Variants in CCNE2 observed in about 807,000 individuals in gnomAD.
CCNE2 encodes cyclin E2, also known as G1/S-specific cyclin-E2.
A neutral mutation model predicts 56.8 loss-of-function variants in CCNE2; 18 were observed. That is an observed-to-expected ratio of 0.32 (90% CI 0.22 to 0.47). The LOEUF (loss-of-function observed/expected upper bound fraction) is 0.47, where lower values mean the gene tolerates loss of function less well. Ranked by LOEUF, CCNE2 falls within the 20% of genes least tolerant of loss-of-function variation. CCNE2 has a pLI of 1.00. For missense variants in CCNE2, 371 were observed against 467.1 expected (o/e 0.79, Z 1.90); for synonymous variants, 139 against 149.2 (o/e 0.93, Z 0.50).
chr8:94,896,263 G>A (rs1465116555), upstream of CCNE2, among the ~76,000 whole-genome samples: 2 of 147,936 alleles, frequency 1.4e-5, no homozygotes, highest in South Asian at 2.1e-4. Context: ...CGCCTGCCGC[G>A]CCCCGCCCCG....
Position 94,881,043 on chromosome 8 carries a change from A to G in CCNE2, c.*589T>C, listed in dbSNP as rs1816789859. 2 of 398,554 alleles carry G rather than the reference A, an allele frequency of 5.0e-6. No individual in the cohort carries two copies. Among genetic ancestry groups the G allele is most frequent in the Admixed American group, 8.8e-5 (2 of 22,734 alleles). 24.7% of individuals were successfully genotyped at this position (398,554 alleles called of 1,614,324 possible). Reference sequence around the variant, plus strand: ...TGTGTTATGGCAAGGCAAATAAACTAGTTTAAAAAACATTAAATTTCACCA... The same window carrying G: ...TGTGTTATGGCAAGGCAAATAAACTGGTTTAAAAAACATTAAATTTCACCA... On this transcript the variant is annotated 3_prime_UTR_variant, in exon 12 of 12. Coordinates refer to ENST00000308108, the MANE Select transcript of CCNE2 (RefSeq NM_057749.3).
intron 1 of CCNE2, 101 bp from the exon 2 acceptor site, chr8:94,894,348 G>T (rs1817375102): frequency 1.7e-6 from 2 of 1,167,450 alleles, no homozygotes; most frequent in South Asian, 1.3e-5. Context: ...CAGTCCCTCC[G>T]AAGGGGGCCT....
At chr8:94,890,283 A>G (rs1817182286) in intron 6 of CCNE2, 132 bp downstream of exon 6, 3 of 686,820 alleles carry the variant, frequency 4.4e-6, no homozygotes, top group Admixed American at 6.0e-5. Flanking sequence ...AATCAACTAC[A>G]GTAAGTACCT....
Position 94,895,179 on chromosome 8 carries a change from C to T in CCNE2, c.-29G>A, listed in dbSNP as rs1227869392. 6.1e-6 allele frequency: 6 copies of T among 986,002 alleles called. No homozygotes were observed. The highest frequency in any genetic ancestry group is 7.2e-6 in the Non-Finnish European group (6 of 830,414). The allele number at this position is 986,002 out of a possible 1,614,324, so 61.1% of individuals were successfully genotyped here. A position where few individuals can be genotyped will look rare whatever the true frequency, so the allele number is the denominator to read the frequency against. On this transcript the variant is annotated splice_region_variant and 5_prime_UTR_variant, in exon 1 of 12. Coordinates refer to ENST00000308108, the MANE Select transcript of CCNE2 (RefSeq NM_057749.3). ...CCCTACGCGCAGCAACTCCTCACCGCCAGACCAGCTACCGCTCGGCTCAGC... is the reference window on the plus strand; with the variant it reads ...CCCTACGCGCAGCAACTCCTCACCGTCAGACCAGCTACCGCTCGGCTCAGC...
At chr8:94,891,923 C>T (rs1257785816) in intron 5 of CCNE2, 10 of 1,259,736 alleles carry the variant, frequency 7.9e-6, no homozygotes, top group South Asian at 3.6e-5. Flanking sequence ...AAAGCACCTA[C>T]GATGTGCCAA....
intron 10 of CCNE2, 78 bp downstream of exon 10, chr8:94,882,703 C>A: frequency 1.1e-6 from 1 of 944,852 alleles, no homozygotes; most frequent in Non-Finnish European, 1.7e-6. Flanking sequence ...GCATGTTTAG[C>A]AGAATGTTAA....
rs374215874 is a variant in CCNE2 at position 94,887,968 on chromosome 8, G to A, written c.559C>T (p.Leu187Phe). ...ATGAATAATGAGGTAATTCCAATGAGTTGAAGCATATTTTTATTTATATCC... is the reference window on the plus strand; with the variant it reads ...ATGAATAATGAGGTAATTCCAATGAATTGAAGCATATTTTTATTTATATCC... ...QKDINKNMLQ[L>F]IGITSLFIAS... The change falls in exon 7 of 12, where the codon CTC (leucine) becomes TTC (phenylalanine). Residue 187 changes from leucine (L) to phenylalanine (F), a missense_variant. Coordinates refer to ENST00000308108, the MANE Select transcript of CCNE2 (RefSeq NM_057749.3). 5 of 1,598,150 alleles carry A rather than the reference G, an allele frequency of 3.1e-6. No homozygotes were observed. The highest frequency in any genetic ancestry group is 4.3e-6 in the Non-Finnish European group (5 of 1,173,138).
chr8:94,888,143 A>G lies in CCNE2; in HGVS notation c.454-70T>C, dbSNP rs1817101754. 3.6e-6 allele frequency: 4 copies of G among 1,111,766 alleles called. No homozygotes were observed. The Admixed American group carries it at 8.3e-5, about 23-fold the overall frequency. The allele number at this position is 1,111,766 out of a possible 1,614,324, so 68.9% of individuals were successfully genotyped here. ...CCAAATTAGAAAGTCATCTCTTAGC[A>G]TATCAGACTTTAAAATATGTTTAAG... On this transcript the variant is annotated intron_variant, in intron 6 of 11. Transcript: ENST00000308108.
Position 94,887,955 on chromosome 8 carries a change from G to A in CCNE2, c.572C>T (p.Thr191Ile). The A allele has an allele frequency of 6.3e-7, 1 of 1,592,346 alleles. No individual in the cohort carries two copies. Among genetic ancestry groups the A allele is most frequent in the South Asian group, 1.2e-5 (1 of 86,258 alleles). ...NKNMLQLIGI[T>I]SLFIASKLEE... ...AAGTTTGGAAGCAATGAATAATGAGGTAATTCCAATGAGTTGAAGCATATT... is the reference window on the plus strand; with the variant it reads ...AAGTTTGGAAGCAATGAATAATGAGATAATTCCAATGAGTTGAAGCATATT... The change falls in exon 7 of 12, where the codon ACC (threonine) becomes ATC (isoleucine). Residue 191 changes from threonine to isoleucine, a missense_variant. Physicochemically the swap from Thr to Ile is moderately conservative, Grantham distance 89. Coordinates refer to ENST00000308108, the MANE Select transcript of CCNE2 (RefSeq NM_057749.3).
In CCNE2 at chr8:94,885,656, T is replaced by C. The variant is rs1235990497; in HGVS notation, c.601-98A>G. The stretch of plus-strand genomic sequence containing the variant: ...GGGGTTACATCCCAATAAACCAAAA[T>C]ATCATTTAAGTAGAAAGTGCATTTT... On this transcript the variant is annotated intron_variant, in intron 7 of 11. Transcript: ENST00000308108. 2.2e-5 allele frequency: 12 copies of C among 546,240 alleles called. No homozygotes were observed. In the Admixed American group the frequency reaches 3.6e-4, roughly 16 times the overall value. 33.8% of individuals were successfully genotyped at this position (546,240 alleles called of 1,614,324 possible). A position where few individuals can be genotyped will look rare whatever the true frequency, so the allele number is the denominator to read the frequency against.
intron 11 of CCNE2, 124 bp from the exon 12 acceptor site, chr8:94,881,869 G>T: frequency 1.7e-6 from 2 of 1,180,472 alleles, no homozygotes; most frequent in Admixed American, 2.5e-5. Flanking sequence ...CAAGTGTGAA[G>T]GGTCATATTC....
chr8:94,882,634 A>T (rs1212368499), intron 10 of CCNE2, 147 bp downstream of exon 10: 1 of 619,362 alleles, frequency 1.6e-6, no homozygotes. Flanking sequence ...ATTGGAAAGT[A>T]CTTCTAACAG....
chr8:94,885,416 G>T, intron 8 of CCNE2, 47 bp downstream of exon 8: 1 of 1,235,386 alleles, frequency 8.1e-7, no homozygotes, highest in Non-Finnish European at 1.2e-6. Flanking sequence ...ATGTTACTTA[G>T]TAACATGGTT....
chr8:94,885,039 A>G (rs1372493252), intron 9 of CCNE2, 28 bp downstream of exon 9: 1 of 1,598,690 alleles, frequency 6.3e-7, no homozygotes. Context: ...TAATAACATT[A>G]CCATTGAATC....
rs1328549552 is a variant in CCNE2 at position 94,881,029 on chromosome 8, A to G, written c.*603T>C. 5.0e-6 allele frequency: 2 copies of G among 398,524 alleles called. No homozygotes were observed. Among genetic ancestry groups the G allele is most frequent in the Non-Finnish European group, 8.9e-6 (2 of 225,808 alleles). The allele number at this position is 398,524 out of a possible 1,614,324, so 24.7% of individuals were successfully genotyped here. On this transcript the variant is annotated 3_prime_UTR_variant, in exon 12 of 12. Transcript: ENST00000308108. ...TATTAGTTAAAAAATGTGTTATGGCAAGGCAAATAAACTAGTTTAAAAAAC... is the reference window on the plus strand; with the variant it reads ...TATTAGTTAAAAAATGTGTTATGGCGAGGCAAATAAACTAGTTTAAAAAAC...
chr8:94,888,175 T>C, intron 6 of CCNE2, 102 bp from the exon 7 acceptor site: 2 of 737,184 alleles, frequency 2.7e-6, no homozygotes, highest in Non-Finnish European at 4.4e-6. Flanking sequence ...TAAGCCAAAC[T>C]GATAGCAAAG....
Position 94,882,886 on chromosome 8 carries a change from C to G in CCNE2, c.838G>C (p.Asp280His). 6.2e-7 allele frequency: 1 copy of G among 1,604,580 alleles called. No homozygotes were observed. The highest frequency in any genetic ancestry group is 8.5e-7 in the Non-Finnish European group (1 of 1,171,896). ...GAATCAATGGCTAGAATACACAGAT[C>G]TAAAAGCTAACAGGAAAAACAAAAG... is the stretch of plus-strand genomic sequence containing the variant. ...ETFIQIAQLLDLCILAIDSLE... is the reference protein window; with the variant it reads ...ETFIQIAQLLHLCILAIDSLE... The change falls in exon 10 of 12, where the codon GAT becomes CAT. Residue 280 changes from aspartate to histidine, a missense_variant. By Grantham distance (81) the Asp-to-His change is moderately conservative. Transcript: ENST00000308108.
chr8:94,885,372 C>T, intron 8 of CCNE2, 91 bp downstream of exon 8: 1 of 1,065,416 alleles, frequency 9.4e-7, no homozygotes. Flanking sequence ...TGACTTTTTA[C>T]ATTGTAGTAT....
At chr8:94,883,286 AAAAC>A (rs1164611950) in intron 9 of CCNE2, among the ~76,000 whole-genome samples, 22 of 152,254 alleles carry the variant, frequency 1.4e-4, no homozygotes, top group African/African-American at 3.9e-4. Flanking sequence ...AAAAAAAAAA[AAAAC>A]AAGCCACCAA....
Sources: gnomAD v4.1 joint callset for allele counts (sites outside exome capture counted in the v4.1 genomes callset) on GRCh38, gnomAD v4.1.1 for gene constraint, MANE v1.5 for transcripts, NCBI Gene and HGNC (gene_info 2026-07-23, HGNC 2026-07-21) for gene names.